The following MAGI3 variants were observed in gnomAD, a reference collection of about 807,000 sequenced individuals.
The protein encoded by MAGI3 is membrane associated guanylate kinase, WW and PDZ domain containing 3.
Under a neutral mutation model 121.8 loss-of-function variants are expected in MAGI3, and 43 were observed. The ratio of observed to expected loss-of-function variants is 0.35; its 90% confidence interval spans 0.28 to 0.46. MAGI3 has a LOEUF of 0.46. MAGI3 is among the 20% of genes least tolerant of loss of function. The pLI, the probability that MAGI3 is intolerant of heterozygous loss-of-function variation, is 1.00. For missense variants in MAGI3, 1,547 were observed against 1,797.3 expected (o/e 0.86, Z 2.52); for synonymous variants, 553 against 639.3 (o/e 0.86, Z 2.04).
rs1316550614 is a variant in MAGI3 at position 113,683,781 on chromosome 1, C to T, written c.4213C>T (p.Gln1405Ter). The stretch of plus-strand genomic sequence containing the variant: ...TAACGATAAAATAGGAGAAAATGTC[C>T]AGCTATCAGAAAAGAGGCTGAAGCA... ...SSNDKIGENV[Q>*]LSEKRLKQEP... Residue 1405 changes from glutamine (Q) to a stop codon, truncating the protein, a stop_gained, in exon 21 of 21, where the codon CAG (glutamine) becomes TAG (stop). Coordinates refer to ENST00000307546, the MANE Select transcript of MAGI3 (RefSeq NM_001142782.2). LOFTEE classifies it low-confidence loss of function (END_TRUNC). 6.2e-7 allele frequency: 1 copy of T among 1,606,036 alleles called. No individual in the cohort carries two copies. Among genetic ancestry groups the T allele is most frequent in the Non-Finnish European group, 8.5e-7 (1 of 1,175,938 alleles).
intron 1 of MAGI3, among the ~76,000 whole-genome samples, chr1:113,504,051 T>C (rs1657187233): frequency 6.6e-6 from 1 of 151,960 alleles, no homozygotes; most frequent in Admixed American, 6.6e-5. Context: ...AGTAAAAAAC[T>C]AGAAAAGAAC....
Position 113,437,863 on chromosome 1 carries a change from CCTCTTCTTCTT to C in MAGI3, c.316+46517_316+46527del, listed in dbSNP as rs550011819. 5.6e-3 allele frequency among the ~76,000 whole-genome samples: 283 copies of C among 50,732 alleles called. 9 individuals are homozygous for C. Among genetic ancestry groups the C allele is most frequent in the Admixed American group, 8.3e-3 (38 of 4,558 alleles). The allele number at this position is 50,732 out of a possible 152,430, so 33.3% of individuals were successfully genotyped here. On this transcript the variant is annotated intron_variant, in intron 1 of 20. Coordinates refer to ENST00000307546, the MANE Select transcript of MAGI3 (RefSeq NM_001142782.2). ...TCTTCTTCTTCTTCTTCTTCTTCTT[CCTCTTCTTCTT>C]CTTCTCCTTCTCCTTCTCCTTCTCC... is the stretch of plus-strand genomic sequence containing the variant.
intron 1 of MAGI3, among the ~76,000 whole-genome samples, chr1:113,541,117 G>A (rs1003144144): frequency 1.3e-5 from 2 of 152,038 alleles, no homozygotes; most frequent in Non-Finnish European, 1.5e-5. Context: ...AGAAGGAAGG[G>A]GAGAGAGAAA....
chr1:113,592,016 T>G (rs1337959994), intron 5 of MAGI3, among the ~76,000 whole-genome samples: 1 of 152,100 alleles, frequency 6.6e-6, no homozygotes, highest in Non-Finnish European at 1.5e-5. Flanking sequence ...ACATTGGATT[T>G]GCCAAGGGCT....
rs61622151 is a variant in MAGI3 at position 113,584,966 on chromosome 1, C to CAATTTTTTTTTTTTTTTTTTTTTT, written c.554-421_554-420insAATTTTTTTTTTTTTTTTTTTTTT. 3.6e-5 allele frequency among the ~76,000 whole-genome samples: 4 copies of CAATTTTTTTTTTTTTTTTTTTTTT among 110,730 alleles called. 1 individual carries two copies. The allele number at this position is 110,730 out of a possible 152,430, so 72.6% of individuals were successfully genotyped here. ...TCCTTTTGGCCAATGGTAGATATTTCCTTTTTTTTTTTTTTTTTTTTTTGA... is the reference window on the plus strand; with the variant it reads ...TCCTTTTGGCCAATGGTAGATATTTCAATTTTTTTTTTTTTTTTTTTTTTCTTTTTTTTTTTTTTTTTTTTTTGA... On this transcript the variant is annotated intron_variant, in intron 3 of 20. Coordinates refer to ENST00000307546, the MANE Select transcript of MAGI3 (RefSeq NM_001142782.2).
Position 113,583,760 on chromosome 1 carries a change from G to GTTTGCAGAAAA in MAGI3, c.554-1624_554-1623insGCAGAAAATTT, listed in dbSNP as rs1304933228. On this transcript the variant is annotated intron_variant, in intron 3 of 20. Coordinates refer to ENST00000307546, the MANE Select transcript of MAGI3 (RefSeq NM_001142782.2). ...TTCTGAGCTAGAAAGTTTGCAGAAA[G>GTTTGCAGAAAA]TTTAGTCTGTTTTCATACAAATCTT... Among the ~76,000 whole-genome samples the GTTTGCAGAAAA allele has an allele frequency of 3.3e-5, 5 of 152,048 alleles. No individual in the cohort carries two copies. The South Asian group carries it at 6.2e-4, about 19-fold the overall frequency.
intron 2 of MAGI3, among the ~76,000 whole-genome samples, chr1:113,563,566 C>T (rs974120961): frequency 2.0e-5 from 3 of 152,188 alleles, no homozygotes; most frequent in African/African-American, 7.2e-5. Flanking sequence ...GACTTCCTTA[C>T]AGCAAGTTCA....
intron 1 of MAGI3, among the ~76,000 whole-genome samples, chr1:113,437,858 T>TTCTTCTTCTTCTTCC (rs71087197): frequency 1.8e-5 from 1 of 57,116 alleles, no homozygotes; most frequent in Non-Finnish European, 3.4e-5. Flanking sequence ...CTTCTTCTTC[T>TTCTTCTTCTTCTTCC]TCTTCCTCTT....
At chr1:113,434,170 C>T (rs1024700673) in intron 1 of MAGI3, among the ~76,000 whole-genome samples, 5 of 152,110 alleles carry the variant, frequency 3.3e-5, no homozygotes, top group Admixed American at 1.3e-4. Context: ...TGAACCTAGC[C>T]AAAACCAAAA....
At chr1:113,679,268 C>A (rs1023567086) in intron 19 of MAGI3, among the ~76,000 whole-genome samples, 1 of 152,110 alleles carries the variant, frequency 6.6e-6, no homozygotes, top group African/African-American at 2.4e-5. Context: ...CTCCCCCCAT[C>A]TTGTATTCCC....
At chr1:113,540,585 A>C (rs1327675798) in intron 1 of MAGI3, among the ~76,000 whole-genome samples, 1 of 152,198 alleles carries the variant, frequency 6.6e-6, no homozygotes, top group Non-Finnish European at 1.5e-5. Context: ...TGAAACCACT[A>C]GATAAAACAA....
chr1:113,520,351 T>A (rs976433399), intron 1 of MAGI3, among the ~76,000 whole-genome samples: 1 of 152,064 alleles, frequency 6.6e-6, no homozygotes, highest in Non-Finnish European at 1.5e-5. Context: ...ACTAGGGACA[T>A]AGAAATGAAT....
chr1:113,582,982 TCAGAAA>T (rs1045757750), intron 3 of MAGI3, among the ~76,000 whole-genome samples: 1 of 151,618 alleles, frequency 6.6e-6, no homozygotes, highest in Non-Finnish European at 1.5e-5. Context: ...GAAAAAGCCT[TCAGAAA>T]ATAAAAAAAA....
In MAGI3 at chr1:113,659,142, A is replaced by G. The variant is rs1432838635; in HGVS notation, c.2692A>G (p.Lys898Glu). 2 of 1,614,052 alleles carry G rather than the reference A, an allele frequency of 1.2e-6. No homozygotes were observed. Among genetic ancestry groups the G allele is most frequent in the Admixed American group, 1.7e-5 (1 of 59,996 alleles). Reference protein sequence around the residue: ...GSPADRCGKLKVGDHISAVNG... With the variant: ...GSPADRCGKLEVGDHISAVNG... ...TCCGGCTGACCGCTGTGGAAAACTG[A>G]AAGTTGGAGATCATATCTCTGCAGT... is the stretch of plus-strand genomic sequence containing the variant. The change falls in exon 16 of 21, where the codon AAA becomes GAA. Residue 898 changes from lysine to glutamate, a missense_variant. Coordinates refer to ENST00000307546, the MANE Select transcript of MAGI3 (RefSeq NM_001142782.2).
At chr1:113,394,143 A>G (rs1042904152) in intron 1 of MAGI3, among the ~76,000 whole-genome samples, 3 of 152,200 alleles carry the variant, frequency 2.0e-5, no homozygotes, top group Non-Finnish European at 4.4e-5. Flanking sequence ...AGGTGACTTA[A>G]CATCTTTCTG....
chr1:113,562,091 A>C (rs539470900), intron 2 of MAGI3, among the ~76,000 whole-genome samples: 4 of 152,232 alleles, frequency 2.6e-5, no homozygotes, highest in Non-Finnish European at 5.9e-5. Context: ...GGAGAACTAC[A>C]AACGACTGCT....
At chr1:113,543,903 A>C (rs1162409629) in intron 1 of MAGI3, among the ~76,000 whole-genome samples, 2 of 151,700 alleles carry the variant, frequency 1.3e-5, no homozygotes, top group African/African-American at 4.8e-5. Flanking sequence ...TGATTAACTT[A>C]TTCTATTTTC....
intron 1 of MAGI3, among the ~76,000 whole-genome samples, chr1:113,419,589 G>A (rs1037233711): frequency 4.6e-5 from 7 of 152,032 alleles, no homozygotes; most frequent in African/African-American, 1.7e-4. Flanking sequence ...GGAAGAGAAA[G>A]CATGGAGTTT....
intron 1 of MAGI3, among the ~76,000 whole-genome samples, chr1:113,531,715 G>A (rs1293329574): frequency 1.6e-5 from 2 of 122,888 alleles, no homozygotes; most frequent in East Asian, 2.8e-4. Flanking sequence ...TATTGCGGGG[G>A]GTGGGGGTCG....
Sources: gnomAD v4.1 joint callset for allele counts (sites outside exome capture counted in the v4.1 genomes callset) on GRCh38, gnomAD v4.1.1 for gene constraint, MANE v1.5 for transcripts, NCBI Gene and HGNC (gene_info 2026-07-23, HGNC 2026-07-21) for gene names.